Variants in KLHL1 observed in about 807,000 individuals in gnomAD.
KLHL1 encodes the protein kelch like family member 1.
KLHL1 carries 47 observed loss-of-function variants against 77.7 expected under a neutral mutation model. That is an observed-to-expected ratio of 0.60 (90% CI 0.48 to 0.77). The LOEUF is 0.77. Among genes scored for constraint, KLHL1 ranks in the 30% least tolerant of loss-of-function variants. The pLI is 0.00. For synonymous variants in KLHL1, 360 were observed against 325.2 expected (o/e 1.11, Z -1.15); for missense variants, 925 against 910.8 (o/e 1.02, Z -0.20).
chr13:70,025,163 A>C (rs1885909513), intron 1 of KLHL1, among the ~76,000 whole-genome samples: 1 of 152,010 alleles, frequency 6.6e-6, no homozygotes, highest in Non-Finnish European at 1.5e-5. Flanking sequence ...ATTATAGTTA[A>C]GGTCTTTGGA....
intron 1 of KLHL1, among the ~76,000 whole-genome samples, chr13:70,064,199 CA>C (rs1030798938): frequency 5.3e-5 from 8 of 151,910 alleles, no homozygotes; most frequent in East Asian, 3.9e-4. Context: ...AGAACAAAAA[CA>C]AAAAAACCTT....
intron 1 of KLHL1, among the ~76,000 whole-genome samples, chr13:69,999,144 G>T (rs1321696926): frequency 6.6e-6 from 1 of 152,082 alleles, no homozygotes; most frequent in Non-Finnish European, 1.5e-5. Context: ...TGTAGCATAT[G>T]TATATGTATT....
At chr13:69,717,873 G>A (rs1373409367) in intron 9 of KLHL1, among the ~76,000 whole-genome samples, 2 of 152,164 alleles carry the variant, frequency 1.3e-5, no homozygotes, top group East Asian at 3.9e-4. Flanking sequence ...GATTTCCGTG[G>A]ACTAGAAAAT....
chr13:69,740,041 G>C (rs1873919995), intron 8 of KLHL1, among the ~76,000 whole-genome samples: 1 of 152,132 alleles, frequency 6.6e-6, no homozygotes, highest in African/African-American at 2.4e-5. Context: ...GATTTAGAGG[G>C]ATAGGAATGA....
chr13:69,903,630 C>CATTTTTT, intron 4 of KLHL1, among the ~76,000 whole-genome samples: 1 of 50,182 alleles, frequency 2.0e-5, no homozygotes, highest in Non-Finnish European at 3.2e-5. Context: ...TGTTCACATT[C>CATTTTTT]TTTTTTTTTT....
chr13:69,882,743 AG>A (rs1881049071), intron 4 of KLHL1, among the ~76,000 whole-genome samples: 1 of 152,224 alleles, frequency 6.6e-6, no homozygotes. Flanking sequence ...TTTGTTATGC[AG>A]GCAGAATGTA....
chr13:69,731,266 A>G (rs537340532), intron 8 of KLHL1, among the ~76,000 whole-genome samples: 1 of 152,322 alleles, frequency 6.6e-6, no homozygotes, highest in East Asian at 1.9e-4. Context: ...AGTGAGAAGC[A>G]GAAGGTAACT....
chr13:69,954,714 C>G (rs1883813694), intron 3 of KLHL1, among the ~76,000 whole-genome samples: 1 of 151,184 alleles, frequency 6.6e-6, no homozygotes, highest in South Asian at 2.1e-4. Flanking sequence ...AGCTTCATAA[C>G]AGTCACAAAA....
At chr13:69,765,437 A>G (rs923807247) in intron 7 of KLHL1, among the ~76,000 whole-genome samples, 1 of 152,178 alleles carries the variant, frequency 6.6e-6, no homozygotes, top group African/African-American at 2.4e-5. Context: ...AGAACATACT[A>G]ATTTCAGGTA....
intron 6 of KLHL1, among the ~76,000 whole-genome samples, chr13:69,818,904 T>C (rs1878230515): frequency 6.6e-6 from 1 of 152,202 alleles, no homozygotes; most frequent in Non-Finnish European, 1.5e-5. Flanking sequence ...TTTTATTATA[T>C]TGCTTTTCTT....
intron 3 of KLHL1, 51 bp from the exon 4 acceptor site, chr13:69,940,287 T>A (rs779451123): frequency 1.4e-6 from 2 of 1,389,566 alleles, no homozygotes; most frequent in Admixed American, 4.5e-5. Context: ...CATGAAATAA[T>A]ATGTATCATA....
At chr13:70,097,235 G>T (rs967686800) in intron 1 of KLHL1, among the ~76,000 whole-genome samples, 1 of 151,982 alleles carries the variant, frequency 6.6e-6, no homozygotes, top group African/African-American at 2.4e-5. Context: ...TCTTACAAAT[G>T]TGAGTCCTAT....
At chr13:70,019,059 G>C (rs1338102857) in intron 1 of KLHL1, among the ~76,000 whole-genome samples, 1 of 152,160 alleles carries the variant, frequency 6.6e-6, no homozygotes, top group Non-Finnish European at 1.5e-5. Flanking sequence ...TATTTCAACA[G>C]AATATCCTGA....
intron 1 of KLHL1, among the ~76,000 whole-genome samples, chr13:70,038,565 T>G (rs1886293981): frequency 6.7e-6 from 1 of 148,676 alleles, no homozygotes; most frequent in Admixed American, 6.8e-5. Context: ...TTTGCCAGCA[T>G]TTGGGATTGT....
intron 6 of KLHL1, among the ~76,000 whole-genome samples, chr13:69,798,099 G>GAT (rs55988115): frequency 0.038 from 5,686 of 151,612 alleles, 136 homozygotes; most frequent in Middle Eastern, 0.061. Flanking sequence ...ATGTTTATAA[G>GAT]ATAATATAAG....
At chr13:69,703,952 C>T (rs374496696) in intron 10 of KLHL1, among the ~76,000 whole-genome samples, 14 of 151,600 alleles carry the variant, frequency 9.2e-5, no homozygotes, top group African/African-American at 2.9e-4. Context: ...TTTTAAGGAA[C>T]GCATGACTGT....
At chr13:69,807,147 T>C (rs1197520325) in intron 6 of KLHL1, among the ~76,000 whole-genome samples, 2 of 152,162 alleles carry the variant, frequency 1.3e-5, no homozygotes, top group Non-Finnish European at 2.9e-5. Context: ...ATCCCATGCA[T>C]ATCTAGGACA....
intron 6 of KLHL1, among the ~76,000 whole-genome samples, chr13:69,811,964 T>C (rs1013339520): frequency 6.6e-6 from 1 of 152,176 alleles, no homozygotes; most frequent in Non-Finnish European, 1.5e-5. Context: ...GTGTTTGCTC[T>C]TGCTTCTCTA....
intron 6 of KLHL1, among the ~76,000 whole-genome samples, chr13:69,807,918 T>C (rs918860193): frequency 1.3e-5 from 2 of 152,114 alleles, no homozygotes; most frequent in African/African-American, 4.8e-5. Flanking sequence ...TTTTGGTCAC[T>C]TGGGGGACAG....
Sources: gnomAD v4.1 joint callset for allele counts (sites outside exome capture counted in the v4.1 genomes callset) on GRCh38, gnomAD v4.1.1 for gene constraint, MANE v1.5 for transcripts, NCBI Gene and HGNC (gene_info 2026-07-23, HGNC 2026-07-21) for gene names.